SCN8A: variants seen among roughly 807,000 people sequenced by gnomAD.
SCN8A encodes sodium voltage-gated channel alpha subunit 8, also known as sodium channel protein type 8 subunit alpha.
SCN8A carries 30 observed loss-of-function variants against 184.1 expected under a neutral mutation model. That is an observed-to-expected ratio of 0.16 (90% confidence interval 0.12 to 0.22). The LOEUF (loss-of-function observed/expected upper bound fraction) is 0.22, where lower values mean the gene tolerates loss of function less well. SCN8A is among the 10% of genes least tolerant of loss of function. SCN8A has a pLI of 1.00. For synonymous variants in SCN8A, 852 were observed against 907.0 expected (o/e 0.94, Z 1.09); for missense variants, 1,057 against 2,498.9 (o/e 0.42, Z 12.30).
At chr12:51,737,289 G>A (rs970986701) in intron 12 of SCN8A, among the ~76,000 whole-genome samples, 1 of 152,196 alleles carries the variant, frequency 6.6e-6, no homozygotes, top group African/African-American at 2.4e-5. Flanking sequence ...ACTAAGTCCT[G>A]TTCTTGGACA....
chr12:51,671,739 A>G (rs531450614), intron 2 of SCN8A, among the ~76,000 whole-genome samples: 3 of 152,334 alleles, frequency 2.0e-5, no homozygotes, highest in Non-Finnish European at 2.9e-5. Flanking sequence ...ATTGTTTCCA[A>G]ATTGACAAAT....
At chr12:51,641,496 A>G (rs549815244) in intron 1 of SCN8A, among the ~76,000 whole-genome samples, 4 of 152,334 alleles carry the variant, frequency 2.6e-5, no homozygotes, top group African/African-American at 9.6e-5. Flanking sequence ...GCTACTTATT[A>G]TCTTTGTGAC....
At chr12:51,636,994 C>T (rs1390920967) in intron 1 of SCN8A, among the ~76,000 whole-genome samples, 1 of 152,084 alleles carries the variant, frequency 6.6e-6, no homozygotes, top group African/African-American at 2.4e-5. Context: ...CCATTTTTTC[C>T]AGAAGCATAT....
chr12:51,778,394 C>T (rs1937779598), intron 20 of SCN8A, among the ~76,000 whole-genome samples: 1 of 152,148 alleles, frequency 6.6e-6, no homozygotes, highest in African/African-American at 2.4e-5. Context: ...AAGCAATTCT[C>T]CTGCCTCAGC....
chr12:51,663,855 T>C (rs1158079038), intron 2 of SCN8A, among the ~76,000 whole-genome samples: 1 of 150,610 alleles, frequency 6.6e-6, no homozygotes, highest in Non-Finnish European at 1.5e-5. Flanking sequence ...TAATTGAATC[T>C]TGAGGACTGG....
intron 2 of SCN8A, among the ~76,000 whole-genome samples, chr12:51,671,366 C>T (rs540273619): frequency 1.3e-5 from 2 of 152,282 alleles, no homozygotes; most frequent in African/African-American, 4.8e-5. Context: ...AGTTCTCATG[C>T]AGGTACTAAG....
At chr12:51,615,719 A>T (rs1939821899) in intron 1 of SCN8A, among the ~76,000 whole-genome samples, 1 of 152,004 alleles carries the variant, frequency 6.6e-6, no homozygotes, top group African/African-American at 2.4e-5. Context: ...TATTATTTTT[A>T]AAAATTATTT....
intron 20 of SCN8A, among the ~76,000 whole-genome samples, chr12:51,775,583 A>T (rs966524140): frequency 6.6e-6 from 1 of 152,204 alleles, no homozygotes; most frequent in African/African-American, 2.4e-5. Flanking sequence ...TCCCTCCAGC[A>T]ACTGTTGATA....
rs942153511 is a variant in SCN8A at position 51,596,962 on chromosome 12, C to G, written c.-55+5603C>G. 2.6e-5 allele frequency among the ~76,000 whole-genome samples: 4 copies of G among 152,146 alleles called. No individual in the cohort carries two copies. The East Asian group carries it at 7.7e-4, about 29-fold the overall frequency. ...TGAAACTGGTGTGAGACTCAGAGAA[C>G]AGAATATGCTGGGGATTGGTGATGG... On this transcript the variant is annotated intron_variant, in intron 1 of 26. Transcript: ENST00000627620.
intron 26 of SCN8A, among the ~76,000 whole-genome samples, chr12:51,803,394 T>C (rs902723025): frequency 3.3e-5 from 5 of 152,002 alleles, no homozygotes; most frequent in Non-Finnish European, 5.9e-5. Flanking sequence ...AGGATGGGTC[T>C]TCCTCTGCCA....
chr12:51,632,991 G>A (rs1940229953), intron 1 of SCN8A, among the ~76,000 whole-genome samples: 1 of 152,082 alleles, frequency 6.6e-6, no homozygotes, highest in African/African-American at 2.4e-5. Flanking sequence ...TATACAATAA[G>A]AATAATAACA....
intron 12 of SCN8A, among the ~76,000 whole-genome samples, chr12:51,734,878 T>G (rs1297140355): frequency 6.6e-6 from 1 of 152,254 alleles, no homozygotes; most frequent in Non-Finnish European, 1.5e-5. Flanking sequence ...AGTGTTTTTA[T>G]CCATTTTAAT....
At chr12:51,710,079 G>A (rs1408690465) in intron 11 of SCN8A, among the ~76,000 whole-genome samples, 2 of 152,140 alleles carry the variant, frequency 1.3e-5, no homozygotes, top group Non-Finnish European at 2.9e-5. Context: ...ATGAGAGGTT[G>A]TGTTTGGAGG....
At chr12:51,689,358 A>C in intron 6 of SCN8A, 1 of 402,498 alleles carries the variant, frequency 2.5e-6, no homozygotes, top group Non-Finnish European at 4.5e-6. Flanking sequence ...ACCATATTTG[A>C]AAAAATTGTC....
chr12:51,591,743 T>C (rs1939224137), intron 1 of SCN8A, among the ~76,000 whole-genome samples: 1 of 152,050 alleles, frequency 6.6e-6, no homozygotes, highest in Non-Finnish European at 1.5e-5. Context: ...CGGCTTGCAC[T>C]GGGAAGGGCA....
intron 13 of SCN8A, among the ~76,000 whole-genome samples, chr12:51,747,519 A>G (rs1427887947): frequency 6.6e-6 from 1 of 152,060 alleles, no homozygotes; most frequent in Non-Finnish European, 1.5e-5. Context: ...AAAACTAACA[A>G]CCTCCAACAG....
chr12:51,716,699 T>A (rs1941970286), intron 11 of SCN8A, among the ~76,000 whole-genome samples: 1 of 152,186 alleles, frequency 6.6e-6, no homozygotes, highest in African/African-American at 2.4e-5. Flanking sequence ...CTGAGTCCTG[T>A]GTTTTCCTGG....
At chr12:51,791,610 A>C (rs1938253170) in intron 25 of SCN8A, among the ~76,000 whole-genome samples, 3 of 152,250 alleles carry the variant, frequency 2.0e-5, no homozygotes, top group Non-Finnish European at 4.4e-5. Context: ...TAACATTTCT[A>C]AAGTTCTGTT....
At chr12:51,771,404 A>G (rs1942923628) in intron 19 of SCN8A, among the ~76,000 whole-genome samples, 1 of 152,038 alleles carries the variant, frequency 6.6e-6, no homozygotes, top group Non-Finnish European at 1.5e-5. Context: ...ACATTCATGT[A>G]GGTGTGGAAT....
Sources: allele counts gnomAD v4.1 joint callset (sites outside exome capture counted in the v4.1 genomes callset), GRCh38; gene constraint gnomAD v4.1.1; transcripts MANE v1.5; gene names NCBI Gene and HGNC (gene_info 2026-07-23, HGNC 2026-07-21).